GPC5: variants seen among roughly 807,000 people sequenced by gnomAD.
The protein encoded by GPC5 is glypican-5.
In GPC5, 47 loss-of-function variants were observed where a neutral mutation model predicts 53.9. The ratio of observed to expected loss-of-function variants is 0.87; its 90% CI spans 0.69 to 1.11. The LOEUF (loss-of-function observed/expected upper bound fraction) is 1.11, where lower values mean the gene tolerates loss of function less well. Among genes scored for constraint, GPC5 ranks in the 50% most tolerant of loss-of-function variants. The pLI is 0.00. For missense variants in GPC5, 748 were observed against 713.1 expected (o/e 1.05, Z -0.56); for synonymous variants, 286 against 263.3 (o/e 1.09, Z -0.84).
intron 7 of GPC5, among the ~76,000 whole-genome samples, chr13:92,390,728 G>C (rs1033232607): frequency 4.6e-5 from 7 of 151,766 alleles, no homozygotes; most frequent in African/African-American, 1.5e-4. Flanking sequence ...GGCCAAAAAA[G>C]AGAAAAAAAA....
chr13:92,427,104 C>G (rs145689864), intron 7 of GPC5, among the ~76,000 whole-genome samples: 4 of 151,602 alleles, frequency 2.6e-5, no homozygotes, highest in Non-Finnish European at 5.9e-5. Flanking sequence ...AACATTTCAC[C>G]TAGTGCTTAC....
intron 6 of GPC5, among the ~76,000 whole-genome samples, chr13:91,989,750 A>T (rs559222176): frequency 5.4e-4 from 83 of 152,314 alleles, no homozygotes; most frequent in African/African-American, 1.9e-3. Flanking sequence ...ATTTTGCAAG[A>T]ATTATATTAT....
intron 5 of GPC5, among the ~76,000 whole-genome samples, chr13:91,883,465 A>T (rs1375927454): frequency 1.3e-5 from 2 of 152,222 alleles, no homozygotes; most frequent in South Asian, 4.1e-4. Context: ...ACAATTACAC[A>T]TCAGGTAGAA....
rs528077465 is a variant in GPC5 at position 92,319,689 on chromosome 13, G to A, written c.1561+174700G>A. 2.0e-5 allele frequency among the ~76,000 whole-genome samples: 3 copies of A among 152,172 alleles called. No homozygotes were observed. The East Asian group carries it at 5.8e-4, about 29-fold the overall frequency. On this transcript the variant is annotated intron_variant, in intron 7 of 7. Transcript: ENST00000377067. The stretch of plus-strand genomic sequence containing the variant: ...GTAAACTACCTTCTTAATATAATAA[G>A]TAGCTTGCACTGATGAAGCATACAC...
chr13:92,842,785 T>C (rs139481228), intron 7 of GPC5, among the ~76,000 whole-genome samples: 8 of 152,120 alleles, frequency 5.3e-5, no homozygotes, highest in African/African-American at 1.2e-4. Flanking sequence ...AAACATCTGA[T>C]GCCCTGAAAT....
intron 7 of GPC5, among the ~76,000 whole-genome samples, chr13:92,366,864 T>C (rs1163888406): frequency 6.6e-6 from 1 of 152,226 alleles, no homozygotes; most frequent in African/African-American, 2.4e-5. Flanking sequence ...ATATCAGAGA[T>C]ATGAATACAA....
intron 1 of GPC5, among the ~76,000 whole-genome samples, chr13:91,415,975 T>G (rs1233027995): frequency 6.6e-6 from 1 of 152,228 alleles, no homozygotes; most frequent in Non-Finnish European, 1.5e-5. Context: ...AATTGCATTT[T>G]ATCATTTTTG....
At chr13:92,553,035 T>A (rs1312017766) in intron 7 of GPC5, among the ~76,000 whole-genome samples, 1 of 151,978 alleles carries the variant, frequency 6.6e-6, no homozygotes, top group African/African-American at 2.4e-5. Context: ...ATTCTTCTGA[T>A]TTCTAGAATA....
chr13:91,847,112 G>GC (rs2038858956), intron 5 of GPC5, among the ~76,000 whole-genome samples: 1 of 151,594 alleles, frequency 6.6e-6, no homozygotes, highest in African/African-American at 2.4e-5. Context: ...CCAGCTACTC[G>GC]GGAGGCTGAG....
In GPC5 at chr13:91,707,227, A is replaced by G. The variant is rs187789246; in HGVS notation, c.1020+13346A>G. On this transcript the variant is annotated intron_variant, in intron 3 of 7. Transcript: ENST00000377067. ...AGGCTGTACAAATGAGTGATAAGCA[A>G]ATGAAAAGATGTTTAACATTGTTAG... Among the ~76,000 whole-genome samples the G allele has an allele frequency of 2.0e-3, 307 of 152,276 alleles. 2 individuals are homozygous for G. Among genetic ancestry groups the G allele is most frequent in the African/African-American group, 6.9e-3 (288 of 41,566 alleles).
chr13:91,571,803 A>ACG (rs1491376617), intron 2 of GPC5, among the ~76,000 whole-genome samples: 1 of 104,544 alleles, frequency 9.6e-6, no homozygotes, highest in East Asian at 2.7e-4. Flanking sequence ...GTGTATATAT[A>ACG]CACACACATA....
chr13:92,212,091 A>G (rs2042379474), intron 7 of GPC5, among the ~76,000 whole-genome samples: 3 of 152,100 alleles, frequency 2.0e-5, no homozygotes, highest in Admixed American at 6.6e-5. Flanking sequence ...AAAAAAAAAA[A>G]AAAAGACAAT....
chr13:92,531,204 A>G (rs1881552642), intron 7 of GPC5, among the ~76,000 whole-genome samples: 1 of 152,276 alleles, frequency 6.6e-6, no homozygotes, highest in Non-Finnish European at 1.5e-5. Context: ...TGAGCCATCC[A>G]TAATCTCACT....
intron 5 of GPC5, among the ~76,000 whole-genome samples, chr13:91,846,768 C>T (rs2038853857): frequency 6.6e-6 from 1 of 152,038 alleles, no homozygotes; most frequent in African/African-American, 2.4e-5. Context: ...AAATCCTCTG[C>T]AGAAAATGTT....
chr13:92,380,911 TAAAAGAAAA>T (rs897541612), intron 7 of GPC5, among the ~76,000 whole-genome samples: 1 of 147,774 alleles, frequency 6.8e-6, no homozygotes, highest in Non-Finnish European at 1.5e-5. Context: ...AGTATAATAA[TAAAAGAAAA>T]AAAAGAAAAA....
chr13:91,745,692 G>C (rs575619449), intron 4 of GPC5, among the ~76,000 whole-genome samples: 3 of 152,098 alleles, frequency 2.0e-5, no homozygotes, highest in African/African-American at 7.2e-5. Context: ...ATGAGTTCAG[G>C]TGGGGTTCAG....
At chr13:92,787,680 A>AG (rs1876295668) in intron 7 of GPC5, among the ~76,000 whole-genome samples, 2 of 148,690 alleles carry the variant, frequency 1.3e-5, no homozygotes, top group Admixed American at 6.7e-5. Flanking sequence ...AAAAAAAAAA[A>AG]AAAGAAAAGA....
chr13:91,602,850 G>A (rs2033223522), intron 2 of GPC5, among the ~76,000 whole-genome samples: 1 of 152,118 alleles, frequency 6.6e-6, no homozygotes, highest in Non-Finnish European at 1.5e-5. Flanking sequence ...TGTAATTTGA[G>A]TTAGAATTGT....
chr13:92,564,754 C>A (rs905511862), intron 7 of GPC5, among the ~76,000 whole-genome samples: 5 of 151,946 alleles, frequency 3.3e-5, no homozygotes, highest in Non-Finnish European at 5.9e-5. Flanking sequence ...TAGCTCACAT[C>A]GGCAGGTAAG....
Sources: allele counts gnomAD v4.1 joint callset (sites outside exome capture counted in the v4.1 genomes callset), GRCh38; gene constraint gnomAD v4.1.1; transcripts MANE v1.5; gene names NCBI Gene and HGNC (gene_info 2026-07-23, HGNC 2026-07-21).